Variants in MUC15 observed in about 807,000 individuals in gnomAD.
MUC15 encodes the protein mucin-15.
In MUC15, 23 loss-of-function variants were observed where a neutral mutation model predicts 24.0. The observed-to-expected ratio is 0.96, with a 90% confidence interval of 0.69 to 1.36. MUC15 has a LOEUF of 1.36. Among genes scored for constraint, MUC15 ranks in the 40% most tolerant of loss-of-function variants. The pLI is 0.00. For missense variants in MUC15, 442 were observed against 428.2 expected, an observed-to-expected ratio of 1.03 and a Z score of -0.29; for synonymous variants, 151 against 156.3, an observed-to-expected ratio of 0.97 and a Z score of 0.25.
chr11:26,568,480 T>G (rs960834009), intron 1 of MUC15, among the ~76,000 whole-genome samples: 43 of 152,062 alleles, frequency 2.8e-4, no homozygotes, highest in African/African-American at 1.0e-3. Flanking sequence ...TAGTTTTTTT[T>G]TTTAATACAG....
chr11:26,566,013 T>C (rs1260066198), intron 2 of MUC15, 117 bp from the exon 3 acceptor site: 4 of 1,083,864 alleles, frequency 3.7e-6, no homozygotes, highest in Non-Finnish European at 5.0e-6. Context: ...GGTAATATCA[T>C]ATTTTTATTC....
chr11:26,560,735 T>C lies in MUC15; in HGVS notation c.*330A>G, dbSNP rs1478263145. 4 of 182,816 alleles carry C rather than the reference T, an allele frequency of 2.2e-5. No homozygotes were observed. Among genetic ancestry groups the C allele is most frequent in the Non-Finnish European group, 4.5e-5 (4 of 88,852 alleles). 11.3% of individuals were successfully genotyped at this position (182,816 alleles called of 1,614,324 possible). On this transcript the variant is annotated 3_prime_UTR_variant, in exon 5 of 5. Coordinates refer to ENST00000529533, the MANE Select transcript of MUC15 (RefSeq NM_001135091.2). ...ATTGTTTTAGAATTTTTTGGTGGAA[T>C]AATTTTTATTATTTAGTTATGAGGC...
At chr11:26,570,132 AT>A (rs886787998) in intron 1 of MUC15, among the ~76,000 whole-genome samples, 17 of 151,972 alleles carry the variant, frequency 1.1e-4, no homozygotes, top group African/African-American at 2.4e-4. Context: ...ATATATTAAC[AT>A]TTTTTTTGTT....
Position 26,559,978 on chromosome 11 carries a change from T to C in MUC15, c.*1087A>G, listed in dbSNP as rs1850222210. The C allele has an allele frequency of 1.1e-5, 5 of 440,690 alleles. No individual in the cohort carries two copies. Among genetic ancestry groups the C allele is most frequent in the African/African-American group, 8.0e-5 (4 of 50,248 alleles). The allele number at this position is 440,690 out of a possible 1,614,324, so 27.3% of individuals were successfully genotyped here. On this transcript the variant is annotated 3_prime_UTR_variant, in exon 5 of 5. Transcript: ENST00000529533. ...AGGAATTTAACTCTTGATCTCATCC[T>C]CTAATCTCTAAAACCTAGACTTTCC... is the stretch of plus-strand genomic sequence containing the variant.
Position 26,561,026 on chromosome 11 carries a change from A to G in MUC15, c.*39T>C, listed in dbSNP as rs376383320. ...TGAATTTGTCAAAAGGCTAGGATGT[A>G]GATGACACTTGCTGTTTAACGCCTT... On this transcript the variant is annotated 3_prime_UTR_variant, in exon 5 of 5. Transcript: ENST00000529533. 6.3e-7 allele frequency: 1 copy of G among 1,578,374 alleles called. No homozygotes were observed. Among genetic ancestry groups the G allele is most frequent in the African/African-American group, 1.4e-5 (1 of 72,834 alleles).
intron 3 of MUC15, among the ~76,000 whole-genome samples, chr11:26,564,732 CATATATATATATATATAT>C (rs66510170): frequency 2.0e-3 from 51 of 25,410 alleles, no homozygotes; most frequent in East Asian, 7.3e-3. Context: ...CACACACACA[CATATATATATATATATAT>C]ATATATATAT....
rs751999694 is a variant in MUC15 at position 26,559,578 on chromosome 11, G to T, written c.*1487C>A. The T allele has an allele frequency of 3.8e-5, 24 of 625,822 alleles. No individual in the cohort carries two copies. Among genetic ancestry groups the T allele is most frequent in the African/African-American group, 7.4e-5 (4 of 54,056 alleles). The allele number at this position is 625,822 out of a possible 1,614,324, so 38.8% of individuals were successfully genotyped here. A position where few individuals can be genotyped will look rare whatever the true frequency, so the allele number is the denominator to read the frequency against. On this transcript the variant is annotated 3_prime_UTR_variant, in exon 5 of 5. Coordinates refer to ENST00000529533, the MANE Select transcript of MUC15 (RefSeq NM_001135091.2). ...GAAATTGTTGCAAGACCCATGAAAGGAATTCATATATAATATTTCTGTACT... is the reference window on the plus strand; with the variant it reads ...GAAATTGTTGCAAGACCCATGAAAGTAATTCATATATAATATTTCTGTACT...
chr11:26,567,696 T>C (rs1248929351), intron 1 of MUC15, among the ~76,000 whole-genome samples: 1 of 151,948 alleles, frequency 6.6e-6, no homozygotes, highest in Non-Finnish European at 1.5e-5. Flanking sequence ...TTAAGAAAAA[T>C]CTACTTAAAA....
Position 26,559,861 on chromosome 11 carries a change from C to T in MUC15, c.*1204G>A. ...ACACACACACACACACACACACACACACACACACACACACCATGAATCAAT... is the reference window on the plus strand; with the variant it reads ...ACACACACACACACACACACACACATACACACACACACACCATGAATCAAT... On this transcript the variant is annotated 3_prime_UTR_variant, in exon 5 of 5. Coordinates refer to ENST00000529533, the MANE Select transcript of MUC15 (RefSeq NM_001135091.2). 1.1e-6 allele frequency: 1 copy of T among 910,234 alleles called. No individual in the cohort carries two copies. Among genetic ancestry groups the T allele is most frequent in the Non-Finnish European group, 1.8e-6 (1 of 553,022 alleles). The allele number at this position is 910,234 out of a possible 1,614,324, so 56.4% of individuals were successfully genotyped here.
intron 4 of MUC15, among the ~76,000 whole-genome samples, chr11:26,561,433 A>T (rs1389123751): frequency 6.6e-6 from 1 of 151,982 alleles, no homozygotes; most frequent in African/African-American, 2.4e-5. Context: ...TTTACTTCCA[A>T]AATTTTACTG....
At position 26,559,568 on chromosome 11, in the gene MUC15, C is replaced by T. The variant is rs1461774930; in HGVS notation, c.*1497G>A. 5.0e-6 allele frequency: 3 copies of T among 602,336 alleles called. No homozygotes were observed. In the African/African-American group the frequency reaches 5.6e-5, roughly 11 times the overall value. The allele number at this position is 602,336 out of a possible 1,614,324, so 37.3% of individuals were successfully genotyped here. A position where few individuals can be genotyped will look rare whatever the true frequency, so the allele number is the denominator to read the frequency against. On this transcript the variant is annotated 3_prime_UTR_variant, in exon 5 of 5. Coordinates refer to ENST00000529533, the MANE Select transcript of MUC15 (RefSeq NM_001135091.2). ...AAAATCATGTGAAATTGTTGCAAGA[C>T]CCATGAAAGGAATTCATATATAATA...
chr11:26,570,240 T>G lies in MUC15; in HGVS notation c.-46+1801A>C, dbSNP rs554702584. On this transcript the variant is annotated intron_variant, in intron 1 of 4. Transcript: ENST00000529533. ...GAATGAACACGACTTTCGCCTTCTT[T>G]GTTACTGGCACTGGAAAGTGGTTTC... Among the ~76,000 whole-genome samples the G allele has an allele frequency of 7.2e-5, 11 of 152,260 alleles. No individual in the cohort carries two copies. In the South Asian group the frequency reaches 1.2e-3, roughly 17 times the overall value.
At chr11:26,566,086 A>G (rs1850571329) in intron 2 of MUC15, among the ~76,000 whole-genome samples, 190 bp from the exon 3 acceptor site, 1 of 151,880 alleles carries the variant, frequency 6.6e-6, no homozygotes, top group Non-Finnish European at 1.5e-5. Flanking sequence ...TTTCCACGTA[A>G]TCTTTCTTCC....
chr11:26,562,678 G>A (rs1850340010), intron 4 of MUC15, among the ~76,000 whole-genome samples: 1 of 151,882 alleles, frequency 6.6e-6, no homozygotes, highest in Non-Finnish European at 1.5e-5. Flanking sequence ...GGTTAATGGA[G>A]GGCTGCTGTG....
In MUC15 at chr11:26,559,406, G is replaced by T; in HGVS notation, c.*1659C>A. 1 of 217,594 alleles carries T rather than the reference G, an allele frequency of 4.6e-6. No homozygotes were observed. Among genetic ancestry groups the T allele is most frequent in the East Asian group, 9.6e-5 (1 of 10,398 alleles). 13.5% of individuals were successfully genotyped at this position (217,594 alleles called of 1,614,324 possible). On this transcript the variant is annotated 3_prime_UTR_variant, in exon 5 of 5. Transcript: ENST00000529533. ...AATTTCATACAACTTTCATTAAGTA[G>T]TTTGACAATCTGTGACCCACAAATA...
chr11:26,569,612 G>A (rs1310936985), intron 1 of MUC15, among the ~76,000 whole-genome samples: 1 of 152,080 alleles, frequency 6.6e-6, no homozygotes, highest in Non-Finnish European at 1.5e-5. Context: ...ACTGAACAAA[G>A]CACATTGCAA....
chr11:26,572,241 C>T lies in MUC15; in HGVS notation c.-246G>A. The stretch of plus-strand genomic sequence containing the variant: ...ACAGAGCGCCCAGGAACCTGACTGA[C>T]CTGCTTCTCAGCTGTAAGCATTAAG... On this transcript the variant is annotated 5_prime_UTR_variant, in exon 1 of 5. Transcript: ENST00000529533. 1.0e-6 allele frequency: 1 copy of T among 985,332 alleles called. No individual in the cohort carries two copies. Among genetic ancestry groups the T allele is most frequent in the African/African-American group, 1.7e-5 (1 of 57,304 alleles). 61.0% of individuals were successfully genotyped at this position (985,332 alleles called of 1,614,324 possible).
Position 26,563,230 on chromosome 11 carries a change from A to C in MUC15, c.811T>G (p.Leu271Val). 6.2e-7 allele frequency: 1 copy of C among 1,610,918 alleles called. No individual in the cohort carries two copies. The highest frequency in any genetic ancestry group is 8.5e-7 in the Non-Finnish European group (1 of 1,178,044). ...AATGAGACACCCAGAATAGCACCTAAAATGGCCCCGAATACTATTCCTGTA... is the reference window on the plus strand; with the variant it reads ...AATGAGACACCCAGAATAGCACCTACAATGGCCCCGAATACTATTCCTGTA... ...RNTGIVFGAILGAILGVSLLT... is the reference protein window; with the variant it reads ...RNTGIVFGAIVGAILGVSLLT... Residue 271 changes from leucine to valine, a missense_variant, in exon 4 of 5, where the codon TTA becomes GTA. Physicochemically the swap from Leu to Val is conservative, Grantham distance 32. Coordinates refer to ENST00000529533, the MANE Select transcript of MUC15 (RefSeq NM_001135091.2).
Position 26,559,831 on chromosome 11 carries a change from G to C in MUC15, c.*1234C>G. 9.7e-7 allele frequency: 1 copy of C among 1,034,602 alleles called. No homozygotes were observed. Among genetic ancestry groups the C allele is most frequent in the Non-Finnish European group, 1.5e-6 (1 of 674,604 alleles). The allele number at this position is 1,034,602 out of a possible 1,614,324, so 64.1% of individuals were successfully genotyped here. On this transcript the variant is annotated 3_prime_UTR_variant, in exon 5 of 5. Coordinates refer to ENST00000529533, the MANE Select transcript of MUC15 (RefSeq NM_001135091.2). ...TCCCTTATTTTCTGAAGCTGTTTCT[G>C]TGTTACACACACACACACACACACA... is the stretch of plus-strand genomic sequence containing the variant.
Sources: allele counts gnomAD v4.1 joint callset (sites outside exome capture counted in the v4.1 genomes callset), GRCh38; gene constraint gnomAD v4.1.1; transcripts MANE v1.5; gene names NCBI Gene and HGNC (gene_info 2026-07-23, HGNC 2026-07-21).